Variants in FBN2 observed in about 807,000 individuals in gnomAD.
FBN2 encodes fibrillin-2.
FBN2 carries 105 observed loss-of-function variants against 355.6 expected under a neutral mutation model. That is an observed-to-expected ratio of 0.30 (90% CI 0.25 to 0.35). The LOEUF (loss-of-function observed/expected upper bound fraction) is 0.35. FBN2 is among the 10% of genes least tolerant of loss of function. The probability of loss-of-function intolerance (pLI) is 1.00; values close to 1 mark genes in which losing one functional copy is unlikely to be tolerated. For missense variants in FBN2, 3,280 were observed against 3,758.7 expected, an observed-to-expected ratio of 0.87 and a Z score of 3.33; for synonymous variants, 1,350 against 1,301.2, an observed-to-expected ratio of 1.04 and a Z score of -0.81.
intron 6 of FBN2, among the ~76,000 whole-genome samples, chr5:128,454,699 C>T (rs1165149489): frequency 6.6e-6 from 1 of 152,170 alleles, no homozygotes; most frequent in Non-Finnish European, 1.5e-5. Context: ...TGCACTAACG[C>T]CATATGAAAA....
In FBN2 at chr5:128,273,889, A is replaced by C; in HGVS notation, c.7791T>G (p.Cys2597Trp). The C allele has an allele frequency of 6.2e-7, 1 of 1,613,950 alleles. No homozygotes were observed. Among genetic ancestry groups the C allele is most frequent in the Non-Finnish European group, 8.5e-7 (1 of 1,179,888 alleles). ...ICQNTPGSFS[C>W]ECQRGFSLDA... Reference sequence around the variant, plus strand: ...CAAGAGAGAACCCTCTTTGGCATTCACAGCTGAAACTGCCTGGAGTGTTTT... The same window carrying C: ...CAAGAGAGAACCCTCTTTGGCATTCCCAGCTGAAACTGCCTGGAGTGTTTT... The change falls in exon 61 of 65, where the codon TGT (cysteine) becomes TGG (tryptophan). Residue 2597 changes from cysteine to tryptophan, a missense_variant. Cys to Trp is a radical substitution (Grantham distance 215). Around this residue, in one of 6 missense-constraint regions of FBN2, gnomAD observed 2,284 missense variants for 2,749.5 expected, o/e 0.83. Transcript: ENST00000262464.
chr5:128,412,461 T>C (rs909695954), intron 7 of FBN2, among the ~76,000 whole-genome samples: 2 of 152,246 alleles, frequency 1.3e-5, no homozygotes, highest in African/African-American at 4.8e-5. Context: ...TTGGGTCACA[T>C]GCTAATTTCT....
At chr5:128,491,140 T>C (rs1371942879) in intron 5 of FBN2, among the ~76,000 whole-genome samples, 1 of 152,196 alleles carries the variant, frequency 6.6e-6, no homozygotes, top group Non-Finnish European at 1.5e-5. Context: ...ACGAGAAAAT[T>C]AATTTTCTAA....
chr5:128,320,914 G>A (rs2126876345), intron 34 of FBN2, among the ~76,000 whole-genome samples: 1 of 152,222 alleles, frequency 6.6e-6, no homozygotes, highest in East Asian at 1.9e-4. Flanking sequence ...TAAATTATAA[G>A]AAAATTAGCA....
At chr5:128,519,220 T>G in intron 5 of FBN2, 53 bp downstream of exon 5, 1 of 1,277,028 alleles carries the variant, frequency 7.8e-7, no homozygotes. Flanking sequence ...AATTATACAT[T>G]TTTACAATAA....
At chr5:128,431,302 T>C (rs1407027020) in intron 7 of FBN2, among the ~76,000 whole-genome samples, 2 of 150,692 alleles carry the variant, frequency 1.3e-5, no homozygotes, top group South Asian at 2.1e-4. Context: ...AATCGCTTTC[T>C]AATACAGCAG....
chr5:128,278,086 G>A (rs1367555092), intron 57 of FBN2, 81 bp from the exon 58 acceptor site: 4 of 1,464,684 alleles, frequency 2.7e-6, no homozygotes, highest in Non-Finnish European at 3.8e-6. Flanking sequence ...GAGAAATGAA[G>A]AAATGGAGAT....
chr5:128,507,960 G>C (rs915156454), intron 5 of FBN2, among the ~76,000 whole-genome samples: 2 of 151,964 alleles, frequency 1.3e-5, no homozygotes, highest in Admixed American at 1.3e-4. Flanking sequence ...TATTAAGTGA[G>C]AGAACACTTA....
chr5:128,502,912 G>T (rs1228314906), intron 5 of FBN2, among the ~76,000 whole-genome samples: 8 of 152,142 alleles, frequency 5.3e-5, no homozygotes, highest in Non-Finnish European at 1.2e-4. Flanking sequence ...TTAACTCTTT[G>T]AGAAGAAGTG....
chr5:128,500,474 G>C (rs986859350), intron 5 of FBN2, among the ~76,000 whole-genome samples: 1 of 112,246 alleles, frequency 8.9e-6, no homozygotes, highest in Admixed American at 1.4e-4. Flanking sequence ...ACAGGGTCTC[G>C]CTCTTCCACC....
chr5:128,440,324 G>GA (rs1158147814), intron 7 of FBN2, among the ~76,000 whole-genome samples: 5 of 152,026 alleles, frequency 3.3e-5, no homozygotes, highest in Non-Finnish European at 7.4e-5. Flanking sequence ...AATATATAAA[G>GA]AAAAAAAGTT....
intron 7 of FBN2, among the ~76,000 whole-genome samples, chr5:128,428,974 C>G (rs1350289679): frequency 6.6e-6 from 1 of 152,174 alleles, no homozygotes; most frequent in Admixed American, 6.5e-5. Flanking sequence ...ACAGCTTATC[C>G]TCATGCTGGG....
intron 34 of FBN2, among the ~76,000 whole-genome samples, chr5:128,327,447 G>C (rs1027228854): frequency 6.6e-6 from 1 of 152,142 alleles, no homozygotes; most frequent in Non-Finnish European, 1.5e-5. Flanking sequence ...TTGTGTGTTT[G>C]TGTGTGTATA....
In FBN2 at chr5:128,300,847, C is replaced by A; in HGVS notation, c.6136G>T (p.Gly2046Trp). ...EGSFRCICPP[G>W]YEVKSENCID... is the part of the protein sequence containing the mutation. ...CAGTTCTCGCTTTTTACTTCATACC[C>A]TGGGGGACAGATGCATCTGAAGGAT... The change falls in exon 48 of 65, where the codon GGG becomes TGG. Residue 2046 changes from glycine (G) to tryptophan (W), a missense_variant. Physicochemically the swap from Gly to Trp is radical, Grantham distance 184. This residue lies in a region of FBN2 where 2,284 missense variants were observed against 2,749.5 expected (regional missense o/e 0.83). Coordinates refer to ENST00000262464, the MANE Select transcript of FBN2 (RefSeq NM_001999.4). The A allele has an allele frequency of 1.2e-6, 2 of 1,614,044 alleles. No individual in the cohort carries two copies. Among genetic ancestry groups the A allele is most frequent in the Non-Finnish European group, 1.7e-6 (2 of 1,179,938 alleles).
intron 11 of FBN2, among the ~76,000 whole-genome samples, chr5:128,391,063 T>G (rs1296555553): frequency 1.3e-5 from 2 of 152,140 alleles, no homozygotes; most frequent in Non-Finnish European, 2.9e-5. Context: ...TGTTACAAAA[T>G]CCACTCAAAG....
intron 11 of FBN2, among the ~76,000 whole-genome samples, chr5:128,384,164 G>A (rs1256571117): frequency 6.6e-6 from 1 of 152,068 alleles, no homozygotes; most frequent in African/African-American, 2.4e-5. Flanking sequence ...TAATTATGCT[G>A]AGTAAAAGAA....
At chr5:128,371,163 C>A (rs911595188) in intron 15 of FBN2, 1 of 152,074 alleles carries the variant, frequency 6.6e-6, no homozygotes, top group African/African-American at 2.4e-5. Flanking sequence ...CTATCTGTAA[C>A]TGATACTGTG....
At chr5:128,348,046 C>T (rs1751233856) in intron 23 of FBN2, among the ~76,000 whole-genome samples, 1 of 152,088 alleles carries the variant, frequency 6.6e-6, no homozygotes. Context: ...CTCAGCCTCC[C>T]AAAGTGCTGG....
intron 8 of FBN2, among the ~76,000 whole-genome samples, chr5:128,397,020 G>C (rs745494708): frequency 6.6e-5 from 10 of 152,078 alleles, no homozygotes; most frequent in Non-Finnish European, 1.3e-4. Context: ...TAAAATAAAT[G>C]AATTACCTTT....
Sources: gnomAD v4.1 joint callset for allele counts (sites outside exome capture counted in the v4.1 genomes callset) on GRCh38, gnomAD v4.1.1 for gene constraint, gnomAD v4.1.1 regional missense constraint, MANE v1.5 for transcripts, NCBI Gene and HGNC (gene_info 2026-07-23, HGNC 2026-07-21) for gene names.